Variants in CAST observed in about 807,000 individuals in gnomAD.
The protein encoded by CAST is calpastatin.
CAST carries 76 observed loss-of-function variants against 119.6 expected under a neutral mutation model. The observed-to-expected ratio is 0.64, with a 90% CI of 0.53 to 0.77. The LOEUF (loss-of-function observed/expected upper bound fraction) is 0.77. CAST is among the 30% of genes least tolerant of loss of function. CAST has a pLI of 0.00. For missense variants in CAST, 953 were observed against 946.5 expected (o/e 1.01, Z -0.09); for synonymous variants, 319 against 331.6 (o/e 0.96, Z 0.41).
intron 1 of CAST, among the ~76,000 whole-genome samples, chr5:96,539,823 C>T (rs1279208637): frequency 6.6e-6 from 1 of 152,150 alleles, no homozygotes; most frequent in Non-Finnish European, 1.5e-5. Flanking sequence ...GGTGTATTTA[C>T]ACCGTTTACA....
chr5:96,255,639 GATTCCTGA>G, the CAST span, among the ~76,000 whole-genome samples: 1 of 152,008 alleles, frequency 6.6e-6, no homozygotes, highest in Non-Finnish European at 1.5e-5. Context: ...TTGTTTTTAG[GATTCCTGA>G]ATGAAGTCAT....
chr5:96,619,034 C>T (rs553244617), intron 1 of CAST, among the ~76,000 whole-genome samples: 22 of 152,192 alleles, frequency 1.4e-4, no homozygotes, highest in African/African-American at 5.3e-4. Context: ...AGTCAGCACT[C>T]TGTGTCTAGC....
the CAST span, among the ~76,000 whole-genome samples, chr5:96,123,993 A>C: frequency 6.6e-6 from 1 of 152,016 alleles, no homozygotes; most frequent in Non-Finnish European, 1.5e-5. Flanking sequence ...CAATTTTTGC[A>C]GTTGGTTCTG....
intron 1 of CAST, among the ~76,000 whole-genome samples, chr5:96,668,557 G>A (rs1749641307): frequency 6.6e-6 from 1 of 152,138 alleles, no homozygotes; most frequent in Non-Finnish European, 1.5e-5. Flanking sequence ...AATGAACAAG[G>A]CAATGAACCA....
At chr5:96,312,212 C>T in the CAST span, among the ~76,000 whole-genome samples, 3 of 152,010 alleles carry the variant, frequency 2.0e-5, no homozygotes, top group Admixed American at 6.6e-5. Context: ...CCCATTGCTC[C>T]ATTTTATGTT....
At chr5:96,731,769 T>TG (rs1428115271) in intron 9 of CAST, among the ~76,000 whole-genome samples, 1 of 150,428 alleles carries the variant, frequency 6.6e-6, no homozygotes, top group African/African-American at 2.5e-5. Flanking sequence ...TTTTCGTTCT[T>TG]GCGATAGTTT....
At chr5:95,964,356 T>A in the CAST span, among the ~76,000 whole-genome samples, 1 of 152,264 alleles carries the variant, frequency 6.6e-6, no homozygotes, top group Non-Finnish European at 1.5e-5. Context: ...CTGGTTTAAA[T>A]AATTAAATAA....
the CAST span, among the ~76,000 whole-genome samples, chr5:96,353,745 G>T: frequency 6.6e-6 from 1 of 151,464 alleles, no homozygotes; most frequent in Admixed American, 6.5e-5. Context: ...CCTACCCAAG[G>T]CTTTCAGCCT....
chr5:96,288,739 G>A, the CAST span, among the ~76,000 whole-genome samples: 1 of 152,136 alleles, frequency 6.6e-6, no homozygotes, highest in African/African-American at 2.4e-5. Flanking sequence ...CATTTGTGCA[G>A]CCTAAGACAA....
intron 20 of CAST, among the ~76,000 whole-genome samples, chr5:96,751,238 A>G (rs955702280): frequency 2.0e-5 from 3 of 152,142 alleles, no homozygotes; most frequent in Non-Finnish European, 4.4e-5. Flanking sequence ...TAATGATTGA[A>G]TTTGACTCAG....
chr5:96,446,895 A>G, the CAST span, among the ~76,000 whole-genome samples: 1 of 152,244 alleles, frequency 6.6e-6, no homozygotes, highest in African/African-American at 2.4e-5. Context: ...CATCAGACCA[A>G]CATCTAGAGA....
chr5:96,465,461 A>G, the CAST span, among the ~76,000 whole-genome samples: 97 of 152,166 alleles, frequency 6.4e-4, no homozygotes, highest in African/African-American at 2.3e-3. Context: ...GTGGAAGACA[A>G]CCTGTCTTGA....
At chr5:96,257,882 G>T in the CAST span, among the ~76,000 whole-genome samples, 1 of 152,168 alleles carries the variant, frequency 6.6e-6, no homozygotes, top group African/African-American at 2.4e-5. Context: ...ATCCACAGTC[G>T]TGTACACACT....
chr5:96,576,171 T>C (rs77868754), intron 1 of CAST, among the ~76,000 whole-genome samples: 1,918 of 152,330 alleles, frequency 0.013, 27 homozygotes, highest in South Asian at 0.022. Context: ...TTCTGTTGTT[T>C]TCTTTTTTTA....
chr5:96,555,125 C>G (rs1296241866), intron 1 of CAST, among the ~76,000 whole-genome samples: 1 of 152,168 alleles, frequency 6.6e-6, no homozygotes, highest in Non-Finnish European at 1.5e-5. Flanking sequence ...TGGCACTATT[C>G]ACAATAGCAA....
the CAST span, among the ~76,000 whole-genome samples, chr5:96,299,011 G>A: frequency 5.9e-5 from 9 of 151,850 alleles, no homozygotes; most frequent in Admixed American, 3.9e-4. Context: ...AGGCCGAGGC[G>A]GATGGATCAC....
the CAST span, among the ~76,000 whole-genome samples, chr5:96,276,069 C>A: frequency 6.6e-6 from 1 of 152,192 alleles, no homozygotes; most frequent in African/African-American, 2.4e-5. Flanking sequence ...TCCTAACCCA[C>A]CATGTTTACA....
the CAST span, among the ~76,000 whole-genome samples, chr5:96,510,813 A>G: frequency 0.016 from 2,444 of 152,366 alleles, 73 homozygotes; most frequent in African/African-American, 0.057. Context: ...CTGATATTTG[A>G]TATTAAATAT....
At chr5:96,535,787 T>A (rs7716486) in intron 1 of CAST, among the ~76,000 whole-genome samples, 91,769 of 149,580 alleles carry the variant, frequency 0.61, 28,486 homozygotes, top group East Asian at 0.87. Flanking sequence ...GTTAGCCAGG[T>A]TGGTCTCGAT....
Sources: allele counts gnomAD v4.1 joint callset (sites outside exome capture counted in the v4.1 genomes callset), GRCh38; gene constraint gnomAD v4.1.1; transcripts MANE v1.5; gene names NCBI Gene and HGNC (gene_info 2026-07-23, HGNC 2026-07-21).